Variants in SPRY3 observed in about 807,000 individuals in gnomAD.
SPRY3 encodes the protein sprouty RTK signaling antagonist 3.
In SPRY3, 15 loss-of-function variants were observed where a neutral mutation model predicts 20.2. The ratio of observed to expected loss-of-function variants is 0.74; its 90% CI spans 0.50 to 1.14. The LOEUF is 1.14. Among genes scored for constraint, SPRY3 ranks in the 50% most tolerant of loss-of-function variants. The probability of loss-of-function intolerance (pLI) is 0.00; values close to 1 mark genes in which losing one functional copy is unlikely to be tolerated. For synonymous variants in SPRY3, 143 were observed against 136.5 expected, an observed-to-expected ratio of 1.05 and a Z score of -0.33; for missense variants, 364 against 363.9, an observed-to-expected ratio of 1.00 and a Z score of 0.00.
At chrX:155,662,318 G>A in intron 2 of SPRY3, among the ~76,000 whole-genome samples, 1 of 110,793 alleles carries the variant, frequency 9.0e-6, no homozygotes, top group Non-Finnish European at 1.9e-5. Context: ...CGAATGCCAG[G>A]GATATAAATA....
intron 1 of SPRY3, among the ~76,000 whole-genome samples, chrX:155,643,869 A>G (rs2124539131): frequency 9.0e-6 from 1 of 111,315 alleles, no homozygotes; most frequent in East Asian, 2.8e-4. Context: ...CCATTGGTTC[A>G]TCTTTTGATC....
At chrX:155,763,378 A>C (rs2091311926) in intron 2 of SPRY3, among the ~76,000 whole-genome samples, 1 of 152,012 alleles carries the variant, frequency 6.6e-6, no homozygotes, top group Non-Finnish European at 1.5e-5. Flanking sequence ...CAATTCCCTA[A>C]CCAGGCCCTT....
At chrX:155,703,891 G>A (rs1453976428) in intron 2 of SPRY3, among the ~76,000 whole-genome samples, 2 of 151,824 alleles carry the variant, frequency 1.3e-5, no homozygotes, top group African/African-American at 2.4e-5. Flanking sequence ...CTCCATGATA[G>A]ACACAAATTC....
chrX:155,678,190 T>C (rs1176098132), intron 2 of SPRY3, among the ~76,000 whole-genome samples: 2 of 111,540 alleles, frequency 1.8e-5, no homozygotes, highest in African/African-American at 3.3e-5. Flanking sequence ...CTAGACTGAA[T>C]GGGCTTGTTG....
At position 155,706,207 on chromosome X, in the gene SPRY3, T is replaced by A. The variant is rs1332555432; in HGVS notation, c.-282+49182T>A. On this transcript the variant is annotated intron_variant, in intron 2 of 3. Transcript: ENST00000675360. ...AATTAAACTGGAAATCAATAACAGA[T>A]AATCTGGAAAAATTCCCAACTTTTT... 2.6e-5 allele frequency among the ~76,000 whole-genome samples: 4 copies of A among 151,200 alleles called. No homozygotes were observed. The Admixed American group carries it at 2.6e-4, about 10-fold the overall frequency.
chrX:155,728,364 T>G (rs1225252141), intron 2 of SPRY3, among the ~76,000 whole-genome samples: 5 of 152,222 alleles, frequency 3.3e-5, no homozygotes, highest in Non-Finnish European at 7.3e-5. Context: ...CAGGGACATT[T>G]AAGTCTGCAC....
intron 2 of SPRY3, among the ~76,000 whole-genome samples, chrX:155,759,078 T>A (rs1345708699): frequency 6.6e-6 from 1 of 151,996 alleles, no homozygotes; most frequent in African/African-American, 2.4e-5. Context: ...TTCTTTTTTT[T>A]TTTTTTGACT....
chrX:155,769,186 T>A (rs2091366142), intron 3 of SPRY3, among the ~76,000 whole-genome samples: 1 of 152,208 alleles, frequency 6.6e-6, no homozygotes, highest in Non-Finnish European at 1.5e-5. Flanking sequence ...CTCTTTGTGT[T>A]CTGTTTTTAG....
intron 2 of SPRY3, among the ~76,000 whole-genome samples, chrX:155,743,615 C>A (rs2091213513): frequency 6.6e-6 from 1 of 151,978 alleles, no homozygotes; most frequent in Non-Finnish European, 1.5e-5. Flanking sequence ...TTTGAGCAAA[C>A]CAGAAAGTTA....
chrX:155,736,762 A>G (rs2091172752), intron 2 of SPRY3, among the ~76,000 whole-genome samples: 1 of 151,952 alleles, frequency 6.6e-6, no homozygotes, highest in Non-Finnish European at 1.5e-5. Flanking sequence ...GAATATTCTC[A>G]GCCATTATTA....
chrX:155,634,873 A>G (rs2124531746), intron 1 of SPRY3, among the ~76,000 whole-genome samples: 1 of 107,066 alleles, frequency 9.3e-6, no homozygotes, highest in Non-Finnish European at 1.9e-5. Context: ...TACACTTTAT[A>G]TATATAATAT....
intron 3 of SPRY3, among the ~76,000 whole-genome samples, chrX:155,773,563 A>G (rs1336453788): frequency 1.3e-5 from 2 of 151,994 alleles, no homozygotes; most frequent in Admixed American, 6.6e-5. Context: ...TTTGTTCCCA[A>G]ACTTCTTTAT....
At chrX:155,754,302 T>G (rs949315316) in intron 2 of SPRY3, among the ~76,000 whole-genome samples, 8 of 152,032 alleles carry the variant, frequency 5.3e-5, no homozygotes, top group African/African-American at 1.9e-4. Flanking sequence ...TTCATTCTTT[T>G]GCATGTGGCT....
At chrX:155,663,461 G>A (rs1432572014) in intron 2 of SPRY3, among the ~76,000 whole-genome samples, 1 of 111,527 alleles carries the variant, frequency 9.0e-6, no homozygotes, top group African/African-American at 3.3e-5. Context: ...GGAGTAAAAG[G>A]ATATAGGTTT....
At chrX:155,759,168 C>G (rs1175440926) in intron 2 of SPRY3, among the ~76,000 whole-genome samples, 1 of 151,368 alleles carries the variant, frequency 6.6e-6, no homozygotes, top group Non-Finnish European at 1.5e-5. Context: ...GGATTACAAG[C>G]GCCCACCATC....
intron 1 of SPRY3, among the ~76,000 whole-genome samples, chrX:155,620,040 TTGA>T (rs1209917230): frequency 9.8e-5 from 11 of 111,859 alleles, no homozygotes; most frequent in Non-Finnish European, 1.9e-4. Context: ...CTACCAAGTG[TTGA>T]TGATGATGTG....
In SPRY3 at chrX:155,695,411, CT is replaced by C. The variant is rs968877435; in HGVS notation, c.-282+38394del. Among the ~76,000 whole-genome samples, 5 of 108,768 alleles carry C rather than the reference CT, an allele frequency of 4.6e-5. No homozygotes were observed. The South Asian group carries it at 1.2e-3, about 26-fold the overall frequency. 94.5% of individuals were successfully genotyped at this position (108,768 alleles called of 115,157 possible). A position where few individuals can be genotyped will look rare whatever the true frequency, so the allele number is the denominator to read the frequency against. On this transcript the variant is annotated intron_variant, in intron 2 of 3. Transcript: ENST00000675360. ...GTTCTCTAGATGCTTTTAAGATTTT[CT>C]TTTTTTTGGTTTTCGGTAGTTTGGT... is the stretch of plus-strand genomic sequence containing the variant.
At chrX:155,673,081 G>GC (rs2068048042) in intron 2 of SPRY3, among the ~76,000 whole-genome samples, 1 of 42,423 alleles carries the variant, frequency 2.4e-5, no homozygotes, top group Non-Finnish European at 4.5e-5. Context: ...GGGGTGAGGG[G>GC]GAGGGATAGC....
intron 1 of SPRY3, among the ~76,000 whole-genome samples, chrX:155,631,531 C>T (rs2067906380): frequency 8.9e-6 from 1 of 112,190 alleles, no homozygotes; most frequent in Non-Finnish European, 1.9e-5. Context: ...AGACTGCTTT[C>T]CACAGGGCTG....
Sources: gnomAD v4.1 joint callset for allele counts (sites outside exome capture counted in the v4.1 genomes callset) on GRCh38, gnomAD v4.1.1 for gene constraint, MANE v1.5 for transcripts, NCBI Gene and HGNC (gene_info 2026-07-23, HGNC 2026-07-21) for gene names.